The following CDK15 variants were observed in gnomAD, a reference collection of about 807,000 sequenced individuals.
The protein encoded by CDK15 is cyclin-dependent kinase 15.
Under a neutral mutation model 60.3 loss-of-function variants are expected in CDK15, and 62 were observed. The observed-to-expected ratio is 1.03, with a 90% confidence interval of 0.84 to 1.27. CDK15 has a LOEUF of 1.27. Ranked by LOEUF, CDK15 falls within the 50% of genes most tolerant of loss-of-function variation. The pLI is 0.00. For missense variants in CDK15, 541 were observed against 527.8 expected (o/e 1.03, Z -0.25); for synonymous variants, 194 against 195.7 (o/e 0.99, Z 0.07).
At chr2:201,846,346 A>G (rs1047117132) in intron 8 of CDK15, among the ~76,000 whole-genome samples, 5 of 152,118 alleles carry the variant, frequency 3.3e-5, no homozygotes, top group Non-Finnish European at 7.4e-5. Flanking sequence ...TACAAAAATT[A>G]GCCAGGCATG....
At chr2:201,836,285 C>T (rs1574879213) in intron 8 of CDK15, among the ~76,000 whole-genome samples, 1 of 143,936 alleles carries the variant, frequency 6.9e-6, no homozygotes, top group African/African-American at 2.6e-5. Context: ...CTCACTGCAA[C>T]CTCCACCTCC....
intron 4 of CDK15, among the ~76,000 whole-genome samples, chr2:201,816,388 C>A (rs1291531945): frequency 2.7e-5 from 4 of 147,286 alleles, no homozygotes; most frequent in African/African-American, 1.0e-4. Context: ...TATTTGTTTT[C>A]TGTTCCTGGG....
intron 7 of CDK15, among the ~76,000 whole-genome samples, chr2:201,835,251 C>T (rs1696955312): frequency 6.6e-6 from 1 of 152,202 alleles, no homozygotes; most frequent in Admixed American, 6.5e-5. Flanking sequence ...CACGTGGCTC[C>T]TCCATCCCCA....
intron 6 of CDK15, among the ~76,000 whole-genome samples, chr2:201,827,210 C>A (rs1471281009): frequency 2.0e-5 from 3 of 152,108 alleles, no homozygotes; most frequent in Admixed American, 6.5e-5. Flanking sequence ...CTTTGGGAGG[C>A]CAAGTCAAGA....
In CDK15 at chr2:201,890,886, T is replaced by C; in HGVS notation, c.1300T>C (p.Cys434Arg). ...KGHHPAQFSK[C>R]W ...TCACCACCCAGCCCAGTTTAGCAAA[T>C]GCTGGTGAAAAGAAAGGGCGAGATC... Residue 434 changes from cysteine (C) to arginine (R), a missense_variant, in exon 13 of 14, where the codon TGC (cysteine) becomes CGC (arginine). Physicochemically the swap from Cys to Arg is radical, Grantham distance 180. Coordinates refer to ENST00000652192, the MANE Select transcript of CDK15 (RefSeq NM_001366386.2). The C allele has an allele frequency of 1.2e-6, 2 of 1,612,432 alleles. No homozygotes were observed. The highest frequency in any genetic ancestry group is 1.7e-6 in the Non-Finnish European group (2 of 1,178,896).
At chr2:201,878,704 C>G (rs1699169480) in intron 11 of CDK15, among the ~76,000 whole-genome samples, 1 of 152,160 alleles carries the variant, frequency 6.6e-6, no homozygotes, top group Non-Finnish European at 1.5e-5. Flanking sequence ...ATGTATTTCT[C>G]ACAGCTCTGG....
At chr2:201,834,024 T>C in intron 7 of CDK15, 53 bp downstream of exon 7, 1 of 1,591,786 alleles carries the variant, frequency 6.3e-7, no homozygotes, top group Non-Finnish European at 8.6e-7. Context: ...TGCTTTTGTG[T>C]GCACTTGTTT....
chr2:201,877,589 G>A (rs1559147548), intron 11 of CDK15, among the ~76,000 whole-genome samples: 1 of 152,268 alleles, frequency 6.6e-6, no homozygotes, highest in East Asian at 1.9e-4. Flanking sequence ...AGAGATCCTA[G>A]GCTCTAGTGA....
chr2:201,827,160 C>G (rs1398972730), intron 6 of CDK15, among the ~76,000 whole-genome samples: 1 of 152,042 alleles, frequency 6.6e-6, no homozygotes, highest in African/African-American at 2.4e-5. Flanking sequence ...AAATGTGGAC[C>G]TTAGGCAGGG....
intron 4 of CDK15, 93 bp downstream of exon 4, chr2:201,812,655 G>T: frequency 1.6e-6 from 1 of 643,650 alleles, no homozygotes; most frequent in African/African-American, 1.9e-5. Flanking sequence ...ATCTAGTTTT[G>T]ATTCTTCTGG....
intron 11 of CDK15, among the ~76,000 whole-genome samples, chr2:201,879,533 C>T (rs1364759375): frequency 6.6e-6 from 1 of 152,142 alleles, no homozygotes; most frequent in Non-Finnish European, 1.5e-5. Context: ...GTGCATGCCA[C>T]CACGCCCAGC....
intron 13 of CDK15, among the ~76,000 whole-genome samples, chr2:201,891,431 G>A (rs191786122): frequency 7.5e-4 from 115 of 152,324 alleles, no homozygotes; most frequent in African/African-American, 2.6e-3. Context: ...GCAAAATTTT[G>A]TCCTGGTAAG....
intron 6 of CDK15, 91 bp from the exon 7 acceptor site, chr2:201,833,757 T>C: frequency 1.8e-6 from 2 of 1,112,732 alleles, no homozygotes; most frequent in East Asian, 2.9e-5. Flanking sequence ...ACACTTTTAC[T>C]ATATTCTTTG....
intron 10 of CDK15, chr2:201,860,720 T>G (rs1006495303): frequency 3.7e-6 from 5 of 1,351,990 alleles, no homozygotes; most frequent in Non-Finnish European, 4.9e-6. Flanking sequence ...TATGCTTGCT[T>G]TATCAACTTC....
chr2:201,834,668 C>T (rs1696929812), intron 7 of CDK15, among the ~76,000 whole-genome samples: 1 of 152,070 alleles, frequency 6.6e-6, no homozygotes, highest in African/African-American at 2.4e-5. Context: ...TTTGTTTTTG[C>T]TTATCATTTT....
chr2:201,827,559 G>T (rs1385367681), intron 6 of CDK15, among the ~76,000 whole-genome samples: 1 of 152,170 alleles, frequency 6.6e-6, no homozygotes, highest in Non-Finnish European at 1.5e-5. Flanking sequence ...GTGGTCTGTA[G>T]GATATATGAA....
chr2:201,830,565 T>A (rs1217932695), intron 6 of CDK15, among the ~76,000 whole-genome samples: 1 of 151,774 alleles, frequency 6.6e-6, no homozygotes, highest in African/African-American at 2.4e-5. Context: ...ACCACGGGAG[T>A]TAGTGTCTGA....
chr2:201,855,001 G>A (rs992615179), intron 10 of CDK15, 64 bp downstream of exon 10: 19 of 1,449,768 alleles, frequency 1.3e-5, no homozygotes, highest in Middle Eastern at 1.7e-4. Flanking sequence ...CATTGGCCAC[G>A]CTAACAGGGC....
Position 201,806,747 on chromosome 2 carries a change from G to A in CDK15, c.83G>A (p.Cys28Tyr). ...HCSEGGEAHS[C>Y]RRSQPETTEA... ...TCAGAGGGAGGCGAGGCACACAGCT[G>A]TCGGAGGAGTCAGCCTGAGACCACG... Residue 28 changes from cysteine to tyrosine, a missense_variant, in exon 1 of 14, where the codon TGT becomes TAT. Transcript: ENST00000652192. 1 of 1,598,540 alleles carries A rather than the reference G, an allele frequency of 6.3e-7. No homozygotes were observed. The highest frequency in any genetic ancestry group is 8.5e-7 in the Non-Finnish European group (1 of 1,179,720).
Sources: allele counts gnomAD v4.1 joint callset (sites outside exome capture counted in the v4.1 genomes callset), GRCh38; gene constraint gnomAD v4.1.1; transcripts MANE v1.5; gene names NCBI Gene and HGNC (gene_info 2026-07-23, HGNC 2026-07-21).